Variants in CA10 observed in about 807,000 individuals in gnomAD.
CA10 encodes the protein carbonic anhydrase-related protein 10.
Under a neutral mutation model 44.2 loss-of-function variants are expected in CA10, and 14 were observed. That is an observed-to-expected ratio of 0.32 (90% CI 0.21 to 0.50). The LOEUF (loss-of-function observed/expected upper bound fraction) is 0.50. Ranked by LOEUF, CA10 falls within the 20% of genes least tolerant of loss-of-function variation. The pLI is 0.99. For missense variants in CA10, 350 were observed against 409.7 expected (o/e 0.85, Z 1.26); for synonymous variants, 159 against 141.6 (o/e 1.12, Z -0.87).
intron 2 of CA10, among the ~76,000 whole-genome samples, chr17:52,010,258 C>A (rs1054597188): frequency 2.0e-5 from 3 of 151,824 alleles, no homozygotes; most frequent in African/African-American, 7.3e-5. Context: ...CGGTATCTAC[C>A]TAGAGGAAAA....
At chr17:52,094,203 G>A (rs1009924322) in intron 1 of CA10, among the ~76,000 whole-genome samples, 1 of 151,868 alleles carries the variant, frequency 6.6e-6, no homozygotes, top group East Asian at 1.9e-4. Context: ...GTGACGAGTT[G>A]ATGGGTGAAA....
intron 4 of CA10, among the ~76,000 whole-genome samples, chr17:51,733,568 A>G (rs897246941): frequency 6.6e-5 from 10 of 152,198 alleles, no homozygotes; most frequent in African/African-American, 2.4e-4. Context: ...ATCAAGCTAA[A>G]TGAATACTCC....
chr17:51,707,671 A>ATGTGTGTGTGTG (rs3031847), intron 4 of CA10, among the ~76,000 whole-genome samples: 14,553 of 142,802 alleles, frequency 0.1, 875 homozygotes, highest in Middle Eastern at 0.13. Context: ...GTGGATGAAT[A>ATGTGTGTGTGTG]TGTGTGTGTG....
At chr17:51,805,409 C>G (rs1474522473) in intron 3 of CA10, among the ~76,000 whole-genome samples, 1 of 152,132 alleles carries the variant, frequency 6.6e-6, no homozygotes, top group Admixed American at 6.5e-5. Flanking sequence ...AAGACAATTA[C>G]AGTGCTGTGA....
At chr17:51,639,134 AG>A (rs1206080871) in intron 6 of CA10, among the ~76,000 whole-genome samples, 2 of 152,158 alleles carry the variant, frequency 1.3e-5, no homozygotes, top group African/African-American at 4.8e-5. Flanking sequence ...GCACTTAATG[AG>A]GCTTGCTCTG....
chr17:51,639,444 C>T (rs758007362), intron 6 of CA10, among the ~76,000 whole-genome samples: 32 of 151,946 alleles, frequency 2.1e-4, no homozygotes, highest in African/African-American at 7.3e-4. Flanking sequence ...GATTGGGGGC[C>T]GAGGTATAGT....
intron 4 of CA10, among the ~76,000 whole-genome samples, chr17:51,703,223 T>C (rs559773456): frequency 6.6e-6 from 1 of 152,268 alleles, no homozygotes; most frequent in South Asian, 2.1e-4. Flanking sequence ...CTGTACATAA[T>C]AGGTAATCAA....
At chr17:51,708,755 G>A (rs1440902488) in intron 4 of CA10, among the ~76,000 whole-genome samples, 1 of 152,226 alleles carries the variant, frequency 6.6e-6, no homozygotes, top group Admixed American at 6.5e-5. Flanking sequence ...GGAAGGACTA[G>A]ACTTGCTGAG....
rs1567815072 is a variant in CA10, at chr17:51,717,557, AT to A, written c.465+30075del. Among the ~76,000 whole-genome samples the A allele has an allele frequency of 2.6e-4, 33 of 127,504 alleles. 3 individuals carry two copies. Among genetic ancestry groups the A allele is most frequent in the African/African-American group, 9.6e-4 (32 of 33,414 alleles). 83.6% of individuals were successfully genotyped at this position (127,504 alleles called of 152,430 possible). ...TATATATATATATATATATATATATATATAATATTACATAAATATATAAAAA... is the reference window on the plus strand; with the variant it reads ...TATATATATATATATATATATATATAATAATATTACATAAATATATAAAAA... On this transcript the variant is annotated intron_variant, in intron 4 of 8. Coordinates refer to ENST00000451037, the MANE Select transcript of CA10 (RefSeq NM_020178.5).
At chr17:51,638,578 C>A (rs1160998776) in intron 6 of CA10, among the ~76,000 whole-genome samples, 1 of 152,196 alleles carries the variant, frequency 6.6e-6, no homozygotes, top group Admixed American at 6.5e-5. Context: ...GGGGCCAACC[C>A]AATAAGTTAA....
intron 4 of CA10, among the ~76,000 whole-genome samples, chr17:51,735,360 G>A (rs1268665025): frequency 3.9e-5 from 6 of 152,174 alleles, no homozygotes; most frequent in Admixed American, 2.6e-4. Flanking sequence ...CAATGGCACC[G>A]ACAGACACTG....
intron 1 of CA10, among the ~76,000 whole-genome samples, chr17:52,078,953 C>A (rs955699698): frequency 1.3e-5 from 2 of 152,142 alleles, no homozygotes; most frequent in African/African-American, 4.8e-5. Context: ...TCCACCTAAC[C>A]GTAACCTTCC....
intron 4 of CA10, among the ~76,000 whole-genome samples, chr17:51,745,259 C>T (rs956146355): frequency 2.6e-5 from 4 of 152,076 alleles, no homozygotes; most frequent in Non-Finnish European, 5.9e-5. Flanking sequence ...TCACAGTGGT[C>T]GCTAACCAAA....
At chr17:51,919,864 G>C (rs1273512056) in intron 3 of CA10, among the ~76,000 whole-genome samples, 1 of 152,098 alleles carries the variant, frequency 6.6e-6, no homozygotes, top group Non-Finnish European at 1.5e-5. Flanking sequence ...ATATTGGCCA[G>C]GCTGGTCTTG....
chr17:52,051,110 A>AG (rs1249638514), intron 2 of CA10, among the ~76,000 whole-genome samples: 1 of 81,984 alleles, frequency 1.2e-5, no homozygotes, highest in Non-Finnish European at 2.9e-5. Flanking sequence ...GAAGGAAGGA[A>AG]GAAGAAAAGA....
At chr17:51,999,268 A>T (rs1008237263) in intron 2 of CA10, among the ~76,000 whole-genome samples, 3 of 152,054 alleles carry the variant, frequency 2.0e-5, no homozygotes, top group Non-Finnish European at 4.4e-5. Flanking sequence ...GGATTGTGGG[A>T]AAACCTCTGG....
chr17:51,889,939 G>A (rs530476100), intron 3 of CA10, among the ~76,000 whole-genome samples: 1 of 152,318 alleles, frequency 6.6e-6, no homozygotes, highest in Admixed American at 6.5e-5. Flanking sequence ...CAGAAAAAGA[G>A]TTGGTGTCTC....
chr17:51,796,631 C>T (rs902624697), intron 3 of CA10, among the ~76,000 whole-genome samples: 2 of 152,174 alleles, frequency 1.3e-5, no homozygotes, highest in Non-Finnish European at 2.9e-5. Context: ...ACAATAGTCA[C>T]AAAATTGTAT....
intron 1 of CA10, among the ~76,000 whole-genome samples, chr17:52,085,698 C>G (rs1442584555): frequency 6.6e-6 from 1 of 152,144 alleles, no homozygotes; most frequent in Non-Finnish European, 1.5e-5. Context: ...TCTTAAATAA[C>G]CTCTTCATGA....
Sources: allele counts gnomAD v4.1 joint callset (sites outside exome capture counted in the v4.1 genomes callset), GRCh38; gene constraint gnomAD v4.1.1; transcripts MANE v1.5; gene names NCBI Gene and HGNC (gene_info 2026-07-23, HGNC 2026-07-21).